Variants in FAM81A observed in about 807,000 individuals in gnomAD.
FAM81A encodes family with sequence similarity 81 member A, also known as protein FAM81A.
A neutral mutation model predicts 46.7 loss-of-function variants in FAM81A; 19 were observed. The observed-to-expected ratio is 0.41, with a 90% confidence interval of 0.28 to 0.60. FAM81A has a LOEUF of 0.60. Ranked by LOEUF, FAM81A falls within the 20% of genes least tolerant of loss-of-function variation. FAM81A has a pLI of 0.34. For missense variants in FAM81A, 377 were observed against 453.5 expected (o/e 0.83, Z 1.53); for synonymous variants, 183 against 152.9 (o/e 1.20, Z -1.45).
At chr15:59,470,097 AC>A (rs1247970055) in intron 3 of FAM81A, among the ~76,000 whole-genome samples, 10 of 152,122 alleles carry the variant, frequency 6.6e-5, no homozygotes, top group Admixed American at 6.5e-5. Flanking sequence ...TGATGGACTT[AC>A]CTTTATGGGT....
intron 3 of FAM81A, among the ~76,000 whole-genome samples, chr15:59,478,817 C>T (rs1326462053): frequency 6.6e-6 from 1 of 152,164 alleles, no homozygotes; most frequent in Non-Finnish European, 1.5e-5. Flanking sequence ...GTCTCCAGTA[C>T]ATTTTAGCTT....
intron 1 of FAM81A, among the ~76,000 whole-genome samples, chr15:59,449,775 C>CT (rs1326557248): frequency 2.5e-5 from 2 of 79,884 alleles, no homozygotes; most frequent in Non-Finnish European, 4.2e-5. Context: ...GAGCGAGACT[C>CT]TGTCTCAAAA....
At chr15:59,491,975 A>G (rs770249209) in intron 3 of FAM81A, among the ~76,000 whole-genome samples, 3 of 128,616 alleles carry the variant, frequency 2.3e-5, no homozygotes, top group African/African-American at 6.4e-5. Flanking sequence ...CAAAAAAAAA[A>G]GAAAAAAGAA....
At chr15:59,403,641 G>T (rs1208618019) in intron 2 of FAM81A, among the ~76,000 whole-genome samples, 1 of 152,082 alleles carries the variant, frequency 6.6e-6, no homozygotes, top group Non-Finnish European at 1.5e-5. Context: ...TGTTATCTCT[G>T]GCTAGAAAGC....
At chr15:59,493,377 T>A (rs1456160034) in intron 4 of FAM81A, among the ~76,000 whole-genome samples, 2 of 152,206 alleles carry the variant, frequency 1.3e-5, no homozygotes, top group African/African-American at 4.8e-5. Flanking sequence ...TCTCCTTCTG[T>A]GATTTTCTGT....
At chr15:59,431,708 C>T (rs545615620) in intron 2 of FAM81A, among the ~76,000 whole-genome samples, 2 of 152,174 alleles carry the variant, frequency 1.3e-5, no homozygotes, top group Non-Finnish European at 2.9e-5. Context: ...TCAAAGAGAG[C>T]TTAAATAACT....
Position 59,416,046 on chromosome 15 carries a change from A to G in FAM81A, c.-78+13688A>G, listed in dbSNP as rs16941423. On this transcript the variant is annotated intron_variant, in intron 2 of 4. Coordinates refer to the FAM81A transcript ENST00000558348. ...AATCTGTTTATATGTTTACTTTGGAAAGTTTCAAACCACAGAAAAATGGAA... is the reference window on the plus strand; with the variant it reads ...AATCTGTTTATATGTTTACTTTGGAGAGTTTCAAACCACAGAAAAATGGAA... Among the ~76,000 whole-genome samples, 1,254 of 152,316 alleles carry G rather than the reference A, an allele frequency of 8.2e-3. 19 individuals are homozygous for G. Among genetic ancestry groups the G allele is most frequent in the African/African-American group, 0.027 (1,139 of 41,582 alleles).
chr15:59,431,512 C>T (rs931164078), intron 2 of FAM81A, among the ~76,000 whole-genome samples: 3 of 150,562 alleles, frequency 2.0e-5, no homozygotes, highest in Admixed American at 6.6e-5. Flanking sequence ...GGATTACAGG[C>T]GTGAGCCACT....
At chr15:59,475,488 C>A (rs1407307678) in intron 3 of FAM81A, among the ~76,000 whole-genome samples, 1 of 152,124 alleles carries the variant, frequency 6.6e-6, no homozygotes, top group Non-Finnish European at 1.5e-5. Flanking sequence ...ATTTACAATG[C>A]AGTGAGAAAG....
At position 59,512,471 on chromosome 15, in the gene FAM81A, C is replaced by CAAA. The variant is rs766904849; in HGVS notation, c.651-1794_651-1792dup. The stretch of plus-strand genomic sequence containing the variant: ...TGGGCGACAGAGCGAAACTCCATCT[C>CAAA]AAAAAAAAAAAAAAAAAAAAAAAAA... On this transcript the variant is annotated intron_variant, in intron 6 of 8. Coordinates refer to ENST00000288228, the MANE Select transcript of FAM81A (RefSeq NM_152450.3). 6.6e-4 allele frequency among the ~76,000 whole-genome samples: 9 copies of CAAA among 13,678 alleles called. 1 individual carries two copies. Among genetic ancestry groups the CAAA allele is most frequent in the East Asian group, 2.8e-3 (1 of 360 alleles). 9.0% of individuals were successfully genotyped at this position (13,678 alleles called of 152,430 possible).
chr15:59,465,970 T>A (rs775323283), intron 3 of FAM81A, among the ~76,000 whole-genome samples: 1 of 152,176 alleles, frequency 6.6e-6, no homozygotes, highest in Non-Finnish European at 1.5e-5. Flanking sequence ...CTTGTGATAG[T>A]TTGCTGAGAA....
chr15:59,412,013 G>A (rs1567036805), intron 2 of FAM81A, among the ~76,000 whole-genome samples: 1 of 151,956 alleles, frequency 6.6e-6, no homozygotes, highest in Non-Finnish European at 1.5e-5. Flanking sequence ...AAAAACGGGG[G>A]ATGAGAGGCT....
At chr15:59,487,393 G>A (rs1161054957) in intron 3 of FAM81A, among the ~76,000 whole-genome samples, 3 of 151,130 alleles carry the variant, frequency 2.0e-5, no homozygotes, top group Non-Finnish European at 1.5e-5. Context: ...CCCAAAGTTA[G>A]TAGAAGAAAG....
intron 3 of FAM81A, among the ~76,000 whole-genome samples, chr15:59,481,604 A>G (rs2141715207): frequency 6.6e-6 from 1 of 152,198 alleles, no homozygotes; most frequent in East Asian, 1.9e-4. Context: ...CCTTGTTGCT[A>G]AAAACCCTTT....
intron 6 of FAM81A, among the ~76,000 whole-genome samples, chr15:59,510,333 C>T (rs1340067756): frequency 6.7e-6 from 1 of 150,088 alleles, no homozygotes; most frequent in African/African-American, 2.5e-5. Context: ...CACACCACTG[C>T]ACTCCAGCCT....
intron 6 of FAM81A, among the ~76,000 whole-genome samples, chr15:59,513,530 C>T (rs2082235649): frequency 6.6e-6 from 1 of 152,192 alleles, no homozygotes; most frequent in Admixed American, 6.5e-5. Flanking sequence ...CTGTTGTATT[C>T]TCCCGCCTTA....
At chr15:59,415,307 C>T (rs1000533236) in intron 2 of FAM81A, among the ~76,000 whole-genome samples, 8 of 151,452 alleles carry the variant, frequency 5.3e-5, no homozygotes, top group Admixed American at 2.6e-4. Flanking sequence ...TTAGTAGAGA[C>T]GGGGGTTTCA....
intron 1 of FAM81A, chr15:59,445,232 C>G (rs1186970971): frequency 6.6e-6 from 1 of 152,208 alleles, no homozygotes; most frequent in Non-Finnish European, 1.5e-5. Flanking sequence ...AGAAGACATT[C>G]TCTCTGGATG....
At chr15:59,470,173 C>T (rs2081667242) in intron 3 of FAM81A, among the ~76,000 whole-genome samples, 1 of 152,140 alleles carries the variant, frequency 6.6e-6, no homozygotes, top group Non-Finnish European at 1.5e-5. Flanking sequence ...GTGAATCTGA[C>T]AATTATGTGT....
Sources: gnomAD v4.1 joint callset for allele counts (sites outside exome capture counted in the v4.1 genomes callset) on GRCh38, gnomAD v4.1.1 for gene constraint, MANE v1.5 for transcripts, NCBI Gene and HGNC (gene_info 2026-07-23, HGNC 2026-07-21) for gene names.